ROBO2: variants seen among roughly 807,000 people sequenced by gnomAD.
ROBO2 encodes the protein roundabout homolog 2.
A neutral mutation model predicts 160.8 loss-of-function variants in ROBO2; 53 were observed. That is an observed-to-expected ratio of 0.33 (90% CI 0.26 to 0.41). ROBO2 has a LOEUF of 0.41. ROBO2 is among the 10% of genes least tolerant of loss of function. The probability of loss-of-function intolerance (pLI) is 1.00; values close to 1 mark genes in which losing one functional copy is unlikely to be tolerated. For synonymous variants in ROBO2, 664 were observed against 611.7 expected (o/e 1.09, Z -1.26); for missense variants, 1,577 against 1,722.4 (o/e 0.92, Z 1.49).
intron 2 of ROBO2, among the ~76,000 whole-genome samples, chr3:77,295,317 C>T (rs1449302874): frequency 2.0e-4 from 28 of 142,530 alleles, no homozygotes; most frequent in Admixed American, 7.7e-4. Context: ...GACGGCTAAA[C>T]GGGTAAGCTG....
At chr3:76,304,256 G>C (rs2071214581) in intron 2 of ROBO2, among the ~76,000 whole-genome samples, 1 of 152,206 alleles carries the variant, frequency 6.6e-6, no homozygotes, top group South Asian at 2.1e-4. Context: ...AGCTAGAAAG[G>C]ATGTATACGA....
chr3:77,410,286 A>G (rs1183889897), intron 2 of ROBO2, among the ~76,000 whole-genome samples: 1 of 152,152 alleles, frequency 6.6e-6, no homozygotes, highest in Non-Finnish European at 1.5e-5. Context: ...ACCTCCCATT[A>G]ATGTAAGCCT....
At chr3:77,640,844 A>AG in intron 24 of ROBO2, among the ~76,000 whole-genome samples, 1 of 152,334 alleles carries the variant, frequency 6.6e-6, no homozygotes. Context: ...CTTTCTTAAA[A>AG]TATACAAACT....
chr3:77,001,444 C>T (rs1331500417), intron 2 of ROBO2, among the ~76,000 whole-genome samples: 2 of 152,238 alleles, frequency 1.3e-5, no homozygotes, highest in East Asian at 1.9e-4. Flanking sequence ...ATAGAAATAT[C>T]ACAAACCACA....
At chr3:76,892,927 G>T (rs2148825306) in intron 2 of ROBO2, among the ~76,000 whole-genome samples, 1 of 152,140 alleles carries the variant, frequency 6.6e-6, no homozygotes, top group Non-Finnish European at 1.5e-5. Flanking sequence ...AACAACTAAG[G>T]AAAATTCCCA....
chr3:76,913,284 C>T (rs2148943567), intron 2 of ROBO2, among the ~76,000 whole-genome samples: 1 of 152,138 alleles, frequency 6.6e-6, no homozygotes, highest in Non-Finnish European at 1.5e-5. Flanking sequence ...GTTATTTCAC[C>T]TGTGTTGAAG....
intron 2 of ROBO2, among the ~76,000 whole-genome samples, chr3:76,621,269 A>G (rs1025674758): frequency 1.3e-5 from 2 of 152,128 alleles, no homozygotes; most frequent in African/African-American, 4.8e-5. Flanking sequence ...CTGTTTGTAA[A>G]TAAGTATTGC....
At chr3:76,413,749 C>G (rs771073444) in intron 2 of ROBO2, among the ~76,000 whole-genome samples, 1 of 152,152 alleles carries the variant, frequency 6.6e-6, no homozygotes. Context: ...TTAAAACTTT[C>G]ACACATTTTC....
At chr3:76,239,719 A>G (rs970499636) in intron 2 of ROBO2, among the ~76,000 whole-genome samples, 5 of 152,158 alleles carry the variant, frequency 3.3e-5, no homozygotes, top group Non-Finnish European at 7.3e-5. Context: ...TTGTAACAAA[A>G]CAATCATTGA....
At chr3:76,755,088 A>G (rs906259098) in intron 2 of ROBO2, among the ~76,000 whole-genome samples, 2 of 151,804 alleles carry the variant, frequency 1.3e-5, no homozygotes, top group East Asian at 1.9e-4. Flanking sequence ...CCTCAATTTT[A>G]TGTTTATTAG....
At chr3:76,775,823 A>G (rs530603402) in intron 2 of ROBO2, among the ~76,000 whole-genome samples, 2 of 150,948 alleles carry the variant, frequency 1.3e-5, no homozygotes, top group Admixed American at 1.3e-4. Context: ...CTAAAATTGG[A>G]ATAAAATTTT....
chr3:77,363,108 C>T (rs1313820583), intron 2 of ROBO2, among the ~76,000 whole-genome samples: 1 of 152,062 alleles, frequency 6.6e-6, no homozygotes, highest in Admixed American at 6.6e-5. Context: ...AAGTATGTGT[C>T]AGGTTGAACC....
intron 2 of ROBO2, among the ~76,000 whole-genome samples, chr3:76,295,418 A>C (rs1224222536): frequency 6.6e-6 from 1 of 152,124 alleles, no homozygotes; most frequent in Admixed American, 6.5e-5. Context: ...TGCCCTCAAG[A>C]TGTTTGCAAT....
intron 2 of ROBO2, among the ~76,000 whole-genome samples, chr3:76,927,847 G>C (rs2077080235): frequency 6.6e-6 from 1 of 152,130 alleles, no homozygotes. Context: ...AATTTTGTGA[G>C]TGATGGTGAG....
chr3:76,199,164 T>A (rs931261106), intron 2 of ROBO2, among the ~76,000 whole-genome samples: 6 of 152,094 alleles, frequency 3.9e-5, no homozygotes, highest in African/African-American at 1.4e-4. Context: ...AGCATTCACA[T>A]CCATACACCC....
chr3:77,099,052 A>G, intron 2 of ROBO2, among the ~76,000 whole-genome samples: 1 of 147,668 alleles, frequency 6.8e-6, no homozygotes, highest in South Asian at 2.2e-4. Context: ...GGTAAACAAA[A>G]TTGTACTTTT....
chr3:76,026,435 T>G (rs1299233281), intron 2 of ROBO2, among the ~76,000 whole-genome samples: 2 of 152,018 alleles, frequency 1.3e-5, no homozygotes, highest in African/African-American at 4.8e-5. Flanking sequence ...CTATATACAC[T>G]TTTTCTTCTT....
At chr3:76,765,330 G>A (rs2061519420) in intron 2 of ROBO2, among the ~76,000 whole-genome samples, 1 of 151,642 alleles carries the variant, frequency 6.6e-6, no homozygotes, top group Non-Finnish European at 1.5e-5. Flanking sequence ...TTTTCATTAA[G>A]TTTCTTAGTA....
At chr3:76,089,425 A>G (rs1027322929) in intron 2 of ROBO2, among the ~76,000 whole-genome samples, 1 of 152,112 alleles carries the variant, frequency 6.6e-6, no homozygotes, top group Non-Finnish European at 1.5e-5. Context: ...TAGCTGCAGT[A>G]ATACTCAACA....
Sources: allele counts gnomAD v4.1 joint callset (sites outside exome capture counted in the v4.1 genomes callset), GRCh38; gene constraint gnomAD v4.1.1; transcripts MANE v1.5; gene names NCBI Gene and HGNC (gene_info 2026-07-23, HGNC 2026-07-21).